The following CSNK2A2IP variants were observed in gnomAD, a reference collection of about 807,000 sequenced individuals.
The protein encoded by CSNK2A2IP is casein kinase II subunit alpha'-interacting protein.
At chr3:88,396,371 C>T in the CSNK2A2IP span, among the ~76,000 whole-genome samples, 7 of 152,096 alleles carry the variant, frequency 4.6e-5, no homozygotes, top group Non-Finnish European at 1.0e-4. Flanking sequence ...TCCCAAAGTG[C>T]TGGGATTACA....
chr3:88,426,609 C>T, the CSNK2A2IP span, among the ~76,000 whole-genome samples: 1 of 152,212 alleles, frequency 6.6e-6, no homozygotes. Context: ...GGCAATTACC[C>T]TTATGTTGAT....
chr3:88,464,220 G>T, the CSNK2A2IP span, among the ~76,000 whole-genome samples: 4 of 151,290 alleles, frequency 2.6e-5, no homozygotes, highest in Admixed American at 6.6e-5. Flanking sequence ...GCTAAATGAC[G>T]AGTTAATGGG....
the CSNK2A2IP span, among the ~76,000 whole-genome samples, chr3:88,414,262 C>T: frequency 7.3e-6 from 1 of 136,206 alleles, no homozygotes; most frequent in East Asian, 2.2e-4. Context: ...CAAAATTGTA[C>T]CAACAAAGTT....
chr3:88,374,100 G>C, the CSNK2A2IP span, among the ~76,000 whole-genome samples: 1 of 151,624 alleles, frequency 6.6e-6, no homozygotes, highest in African/African-American at 2.4e-5. Context: ...TTAGCTGTTG[G>C]ATGGAGAACA....
chr3:88,449,874 T>TATAG, the CSNK2A2IP span, among the ~76,000 whole-genome samples: 67 of 70,098 alleles, frequency 9.6e-4, 1 homozygote, highest in Middle Eastern at 9.6e-3. Flanking sequence ...TATATATATA[T>TATAG]AGAGAGAGAG....
At chr3:88,400,129 C>A in the CSNK2A2IP span, among the ~76,000 whole-genome samples, 1 of 152,104 alleles carries the variant, frequency 6.6e-6, no homozygotes, top group Non-Finnish European at 1.5e-5. Flanking sequence ...CTAGAGAAGT[C>A]TTGAGTGAGA....
the CSNK2A2IP span, among the ~76,000 whole-genome samples, chr3:88,424,789 C>T: frequency 2.1e-5 from 3 of 142,122 alleles, no homozygotes; most frequent in Admixed American, 7.5e-5. Flanking sequence ...AATTATTTCC[C>T]GTAGCAACCT....
chr3:88,353,428 G>T, the CSNK2A2IP span, among the ~76,000 whole-genome samples: 1 of 152,148 alleles, frequency 6.6e-6, no homozygotes, highest in Non-Finnish European at 1.5e-5. Context: ...TTTGTTACTT[G>T]CTTGTTAAAA....
the CSNK2A2IP span, among the ~76,000 whole-genome samples, chr3:88,338,890 CTTTA>C: frequency 2.0e-5 from 3 of 151,720 alleles, no homozygotes; most frequent in Admixed American, 1.3e-4. Context: ...CCCACTTATG[CTTTA>C]TTTATTTTTT....
At chr3:88,364,256 A>G in the CSNK2A2IP span, among the ~76,000 whole-genome samples, 1 of 151,982 alleles carries the variant, frequency 6.6e-6, no homozygotes, top group African/African-American at 2.4e-5. Flanking sequence ...TCTGAAAAAC[A>G]TCATTTTATA....
At chr3:88,419,841 A>G in the CSNK2A2IP span, among the ~76,000 whole-genome samples, 3 of 152,190 alleles carry the variant, frequency 2.0e-5, no homozygotes, top group Non-Finnish European at 2.9e-5. Flanking sequence ...CATTATAAAA[A>G]ACCGTTTGCT....
chr3:88,417,414 A>C, the CSNK2A2IP span, among the ~76,000 whole-genome samples: 103 of 152,170 alleles, frequency 6.8e-4, 1 homozygote, highest in Non-Finnish European at 2.4e-4. Flanking sequence ...TTGAGGAGGC[A>C]TCCCGTAGTT....
At chr3:88,422,699 A>T in the CSNK2A2IP span, among the ~76,000 whole-genome samples, 1 of 152,190 alleles carries the variant, frequency 6.6e-6, no homozygotes, top group Admixed American at 6.5e-5. Context: ...CATTCTCCTA[A>T]TAGAAACACA....
At chr3:88,421,642 C>G in the CSNK2A2IP span, among the ~76,000 whole-genome samples, 1 of 152,104 alleles carries the variant, frequency 6.6e-6, no homozygotes, top group East Asian at 1.9e-4. Context: ...GTCTCGAACT[C>G]CTAACCTCAG....
the CSNK2A2IP span, among the ~76,000 whole-genome samples, chr3:88,432,525 A>G: frequency 1.3e-5 from 2 of 151,718 alleles, no homozygotes; most frequent in Non-Finnish European, 2.9e-5. Flanking sequence ...AGAGGCAACT[A>G]TATGTTAAGC....
At chr3:88,395,090 T>A in the CSNK2A2IP span, among the ~76,000 whole-genome samples, 1 of 152,228 alleles carries the variant, frequency 6.6e-6, no homozygotes, top group African/African-American at 2.4e-5. Context: ...TGTGCATGTG[T>A]GTTTAAGTAT....
chr3:88,353,660 C>T, the CSNK2A2IP span, among the ~76,000 whole-genome samples: 1 of 152,134 alleles, frequency 6.6e-6, no homozygotes, highest in Non-Finnish European at 1.5e-5. Context: ...TCAAGATCCC[C>T]TTAATTCAGT....
At chr3:88,446,030 T>TTTTCTTTCTTTCTCTC in the CSNK2A2IP span, among the ~76,000 whole-genome samples, 23 of 58,184 alleles carry the variant, frequency 4.0e-4, 3 homozygotes, top group South Asian at 1.3e-3. Context: ...TCTTTGTTTC[T>TTTTCTTTCTTTCTCTC]TTTCTTTCTT....
chr3:88,407,784 C>T, the CSNK2A2IP span, among the ~76,000 whole-genome samples: 28 of 152,036 alleles, frequency 1.8e-4, no homozygotes, highest in Admixed American at 3.3e-4. Flanking sequence ...AGTGCAGTGG[C>T]GCGATCTCGG....
Sources: allele counts gnomAD v4.1 joint callset (sites outside exome capture counted in the v4.1 genomes callset), GRCh38; gene constraint gnomAD v4.1.1; transcripts MANE v1.5; gene names NCBI Gene and HGNC (gene_info 2026-07-23, HGNC 2026-07-21).